Variants in RFX2 observed in about 807,000 individuals in gnomAD.
RFX2 encodes DNA-binding protein RFX2.
A neutral mutation model predicts 87.8 loss-of-function variants in RFX2; 20 were observed. The ratio of observed to expected loss-of-function variants is 0.23; its 90% confidence interval spans 0.16 to 0.33. The LOEUF (loss-of-function observed/expected upper bound fraction) is 0.33. RFX2 is among the 10% of genes least tolerant of loss of function. The pLI is 1.00. For missense variants in RFX2, 767 were observed against 1,012.3 expected, an observed-to-expected ratio of 0.76 and a Z score of 3.29; for synonymous variants, 397 against 431.3, an observed-to-expected ratio of 0.92 and a Z score of 0.98.
intron 1 of RFX2, among the ~76,000 whole-genome samples, chr19:6,082,110 T>TAAAACA (rs1230719365): frequency 6.6e-6 from 1 of 151,064 alleles, no homozygotes; most frequent in African/African-American, 2.4e-5. Context: ...CAAAACAAAA[T>TAAAACA]AAAACAAAAA....
chr19:6,035,629 T>C (rs187274698), intron 5 of RFX2, among the ~76,000 whole-genome samples: 1 of 152,282 alleles, frequency 6.6e-6, no homozygotes, highest in East Asian at 1.9e-4. Context: ...AACTCTGACA[T>C]GAACGAACTG....
At chr19:6,008,388 T>C (rs1001292788) in intron 9 of RFX2, 164 bp from the exon 10 acceptor site, 19 of 464,528 alleles carry the variant, frequency 4.1e-5, no homozygotes, top group Non-Finnish European at 7.0e-5. Context: ...TTTTTTTTTT[T>C]TGGAGACAGG....
At chr19:6,054,053 T>C (rs1156552797) in intron 1 of RFX2, among the ~76,000 whole-genome samples, 1 of 150,012 alleles carries the variant, frequency 6.7e-6, no homozygotes, top group Non-Finnish European at 1.5e-5. Flanking sequence ...ATTGCCAATA[T>C]CAGGAATGAA....
Position 6,027,710 on chromosome 19 carries a change from A to T in RFX2, c.523-1473T>A, listed in dbSNP as rs1440579734. 6.6e-6 allele frequency among the ~76,000 whole-genome samples: 1 copy of T among 152,210 alleles called. No individual in the cohort carries two copies. Among genetic ancestry groups the T allele is most frequent in the Admixed American group, 6.5e-5 (1 of 15,278 alleles). On this transcript the variant is annotated intron_variant, in intron 5 of 17. Transcript: ENST00000303657. The surrounding 1 kb of genome is among the most constrained non-coding windows in gnomAD (Gnocchi z 5.0). ...AATCATTTGGTCTATTAAAAAATAC[A>T]CTATTACAAAATTTTGAGATTTCAC...
In RFX2 at chr19:6,097,577, C is replaced by A. The variant is rs1356312381; in HGVS notation, c.-9+12816G>T. 2.0e-5 allele frequency among the ~76,000 whole-genome samples: 3 copies of A among 150,866 alleles called. No homozygotes were observed. The East Asian group carries it at 5.8e-4, about 29-fold the overall frequency. ...TACCCATGGGTAACATCATGGCAAC[C>A]CTTTATTATTATTAATTATTATTAT... is the stretch of plus-strand genomic sequence containing the variant. On this transcript the variant is annotated intron_variant, in intron 1 of 17. Coordinates refer to ENST00000303657, the MANE Select transcript of RFX2 (RefSeq NM_000635.4).
At chr19:6,070,488 G>C (rs1256031048) in intron 1 of RFX2, among the ~76,000 whole-genome samples, 3 of 152,034 alleles carry the variant, frequency 2.0e-5, no homozygotes, top group African/African-American at 2.4e-5. Context: ...TCTCAGCAGG[G>C]TGGACGGGCT....
At chr19:6,108,403 A>G (rs1253072963) in intron 1 of RFX2, among the ~76,000 whole-genome samples, 1 of 152,222 alleles carries the variant, frequency 6.6e-6, no homozygotes, top group African/African-American at 2.4e-5. Context: ...TCTTTCCATA[A>G]GCAAACAATG....
At chr19:6,060,810 G>A (rs1031499485) in intron 1 of RFX2, among the ~76,000 whole-genome samples, 5 of 151,730 alleles carry the variant, frequency 3.3e-5, no homozygotes, top group African/African-American at 1.2e-4. Flanking sequence ...GTCCCTGCTT[G>A]TCTCCCACCC....
rs1474428747 is a variant in RFX2 at position 6,011,387 on chromosome 19, C to T, written c.900-1136G>A. On this transcript the variant is annotated intron_variant, in intron 8 of 17. Coordinates refer to ENST00000303657, the MANE Select transcript of RFX2 (RefSeq NM_000635.4). The surrounding 1 kb of genome is among the most constrained non-coding windows in gnomAD (Gnocchi z 4.8). ...GCTGGAGCATCTCCAGCGGACCTCC[C>T]TCCTCAAATACGAAGCGGGGCCAGG... Among the ~76,000 whole-genome samples, 1 of 152,144 alleles carries T rather than the reference C, an allele frequency of 6.6e-6. No individual in the cohort carries two copies. The highest frequency in any genetic ancestry group is 1.5e-5 in the Non-Finnish European group (1 of 68,028).
At chr19:6,080,722 G>C (rs1053470568) in intron 1 of RFX2, among the ~76,000 whole-genome samples, 1 of 152,146 alleles carries the variant, frequency 6.6e-6, no homozygotes, top group African/African-American at 2.4e-5. Flanking sequence ...CCTGGACAAG[G>C]TCAGATGTCT....
chr19:6,058,575 G>A (rs1279760522), intron 1 of RFX2, among the ~76,000 whole-genome samples: 1 of 151,224 alleles, frequency 6.6e-6, no homozygotes, highest in East Asian at 1.9e-4. Flanking sequence ...AGCCACGGGG[G>A]TGCCCGTCAT....
intron 1 of RFX2, among the ~76,000 whole-genome samples, chr19:6,057,994 G>GA (rs1181153333): frequency 1.3e-5 from 2 of 152,318 alleles, no homozygotes; most frequent in African/African-American, 4.8e-5. Flanking sequence ...TCTCCTTGCC[G>GA]AAAAGTGGAT....
chr19:6,014,339 A>AGCTGGGG (rs2086697144), intron 7 of RFX2, among the ~76,000 whole-genome samples: 1 of 152,058 alleles, frequency 6.6e-6, no homozygotes, highest in East Asian at 1.9e-4. Flanking sequence ...AGGTTCAAGA[A>AGCTGGGG]ATTCTCCAGC....
rs368035249 is a variant in RFX2, at chr19:6,012,971, C to T, written c.899+15G>A. The T allele has an allele frequency of 8.6e-6, 13 of 1,507,148 alleles. No homozygotes were observed. Among genetic ancestry groups the T allele is most frequent in the African/African-American group, 5.7e-5 (4 of 70,682 alleles). The allele number at this position is 1,507,148 out of a possible 1,614,324, so 93.4% of individuals were successfully genotyped here. Reference sequence around the variant, plus strand: ...AGGGGAGAGCCAGCTCCTCCCAGCTCGGCCCGGCACCCACCTGGGCTTCTG... The same window carrying T: ...AGGGGAGAGCCAGCTCCTCCCAGCTTGGCCCGGCACCCACCTGGGCTTCTG... On this transcript the variant is annotated intron_variant, in intron 8 of 17. Coordinates refer to ENST00000303657, the MANE Select transcript of RFX2 (RefSeq NM_000635.4). The surrounding 1 kb of genome is among the most constrained non-coding windows in gnomAD (Gnocchi z 4.6).
intron 1 of RFX2, among the ~76,000 whole-genome samples, chr19:6,089,445 T>C (rs1405699834): frequency 1.3e-5 from 2 of 152,168 alleles, no homozygotes; most frequent in African/African-American, 4.8e-5. Context: ...GTGCTATGGT[T>C]GGAATGTTGT....
At chr19:6,067,209 G>A (rs1342571193) in intron 1 of RFX2, among the ~76,000 whole-genome samples, 1 of 152,178 alleles carries the variant, frequency 6.6e-6, no homozygotes, top group East Asian at 1.9e-4. Flanking sequence ...AGCTGCACAA[G>A]TGTTTTCTGG....
At position 6,063,148 on chromosome 19, in the gene RFX2, C is replaced by T. The variant is rs1568530456; in HGVS notation, c.-8-15644G>A. On this transcript the variant is annotated intron_variant, in intron 1 of 17. Coordinates refer to ENST00000303657, the MANE Select transcript of RFX2 (RefSeq NM_000635.4). The surrounding 1 kb of genome is among the most constrained non-coding windows in gnomAD (Gnocchi z 4.0). ...TACTTGGTTTGAAACTCTCCCCTGG[C>T]GCCTGCTCTGTGGGGAAAGCCGGGC... 2.0e-5 allele frequency among the ~76,000 whole-genome samples: 3 copies of T among 152,184 alleles called. No individual in the cohort carries two copies. The highest frequency in any genetic ancestry group is 3.9e-4 in the East Asian group (2 of 5,192).
In RFX2 at chr19:6,100,879, T is replaced by TG. The variant is rs1400159793; in HGVS notation, c.-9+9513_-9+9514insC. On this transcript the variant is annotated intron_variant, in intron 1 of 17. Coordinates refer to ENST00000303657, the MANE Select transcript of RFX2 (RefSeq NM_000635.4). ...ATTATATTGATTTAATTGAATTAATTAATTGAATTAATTAATCATATCCAT... is the reference window on the plus strand; with the variant it reads ...ATTATATTGATTTAATTGAATTAATTGAATTGAATTAATTAATCATATCCAT... 7.6e-3 allele frequency among the ~76,000 whole-genome samples: 1,029 copies of TG among 135,778 alleles called. 10 individuals are homozygous for TG. Among genetic ancestry groups the TG allele is most frequent in the African/African-American group, 0.037 (985 of 26,668 alleles). 89.1% of individuals were successfully genotyped at this position (135,778 alleles called of 152,430 possible). A position where few individuals can be genotyped will look rare whatever the true frequency, so the allele number is the denominator to read the frequency against.
At position 6,101,735 on chromosome 19, in the gene RFX2, C is replaced by T. The variant is rs1378981209; in HGVS notation, c.-9+8658G>A. ...TGGGCAAGTCTAATCTTTCTGGTTGCCATTGGATCTCACTCTTCATGGTGC... is the reference window on the plus strand; with the variant it reads ...TGGGCAAGTCTAATCTTTCTGGTTGTCATTGGATCTCACTCTTCATGGTGC... On this transcript the variant is annotated intron_variant, in intron 1 of 17. Coordinates refer to ENST00000303657, the MANE Select transcript of RFX2 (RefSeq NM_000635.4). This position sits in a 1 kb window ranked among gnomAD's most constrained non-coding sequence, Gnocchi z 4.9. Among the ~76,000 whole-genome samples the T allele has an allele frequency of 2.0e-5, 3 of 152,172 alleles. No homozygotes were observed. The highest frequency in any genetic ancestry group is 4.8e-5 in the African/African-American group (2 of 41,434).
Sources: gnomAD v4.1 joint callset for allele counts (sites outside exome capture counted in the v4.1 genomes callset) on GRCh38, gnomAD v4.1.1 for gene constraint, Gnocchi (gnomAD v3.1) non-coding constraint, MANE v1.5 for transcripts, NCBI Gene and HGNC (gene_info 2026-07-23, HGNC 2026-07-21) for gene names.